GPR162: variants seen among roughly 807,000 people sequenced by gnomAD.
GPR162 encodes G protein-coupled receptor 162, also known as probable G protein-coupled receptor 162.
Under a neutral mutation model 44.9 loss-of-function variants are expected in GPR162, and 26 were observed. That is an observed-to-expected ratio of 0.58 (90% CI 0.42 to 0.80). GPR162 has a LOEUF of 0.80. Among genes scored for constraint, GPR162 ranks in the 30% least tolerant of loss-of-function variants. The pLI is 0.00. For missense variants in GPR162, 704 were observed against 802.3 expected (o/e 0.88, Z 1.48); for synonymous variants, 363 against 335.2 (o/e 1.08, Z -0.91).
Position 6,825,603 on chromosome 12 carries a change from C to T in GPR162, c.987C>T (p.Arg329=). ...LLPSFIWSCE[R]YRADVRTVWE... ...CCTCCTTCATCTGGTCCTGCGAGCG[C>T]TACCGCGCCGACGTGCGCACAGTGT... Residue 329 remains arginine (R), a synonymous_variant, in exon 3 of 5, where the codon CGC becomes CGT. Transcript: ENST00000311268. The T allele has an allele frequency of 2.5e-6, 4 of 1,598,174 alleles. No individual in the cohort carries two copies. The highest frequency in any genetic ancestry group is 1.1e-5 in the South Asian group (1 of 88,342).
intron 2 of GPR162, 114 bp downstream of exon 2, chr12:6,824,879 A>G (rs782129118): frequency 2.4e-6 from 2 of 826,912 alleles, no homozygotes; most frequent in Non-Finnish European, 2.0e-6. Flanking sequence ...CTCCAGTTCC[A>G]TCATCCATCT....
rs922266534 is a variant in GPR162, at chr12:6,823,915, C to A, written c.17C>A (p.Ala6Glu). The change falls in exon 2 of 5, where the codon GCG (alanine) becomes GAG (glutamate). Residue 6 changes from alanine (A) to glutamate (E), a missense_variant. Physicochemically the swap from Ala to Glu is moderately radical, Grantham distance 107 (BLOSUM62 -1). Transcript: ENST00000311268. ...GAGGATAGGATGGCTCGGGGCGGGGCGGGGGCAGAGGAGGCCTCCCTGCGC... is the reference window on the plus strand; with the variant it reads ...GAGGATAGGATGGCTCGGGGCGGGGAGGGGGCAGAGGAGGCCTCCCTGCGC... MARGGAGAEEASLRSN... is the reference protein window; with the variant it reads MARGGEGAEEASLRSN... 1.9e-6 allele frequency: 3 copies of A among 1,557,530 alleles called. No homozygotes were observed. The highest frequency in any genetic ancestry group is 2.6e-6 in the Non-Finnish European group (3 of 1,149,364).
chr12:6,827,026 C>T lies in GPR162; in HGVS notation c.1589C>T (p.Pro530Leu). ...SPGHSPRRPR[P>L]LGLSPRRLSL... ...GGGCACTCTCCTCGTCGGCCCCGGC[C>T]ACTGGGCCTCTCACCCCGCCGACTC... The change falls in exon 5 of 5, where the codon CCA becomes CTA. Residue 530 changes from proline (P) to leucine (L), a missense_variant. Physicochemically the swap from Pro to Leu is moderately conservative, Grantham distance 98. Around this residue, in one of 6 missense-constraint regions of GPR162, gnomAD observed 404 missense variants for 314.1 expected, o/e 1.29. Transcript: ENST00000311268. The T allele has an allele frequency of 6.2e-7, 1 of 1,613,408 alleles. No homozygotes were observed. Among genetic ancestry groups the T allele is most frequent in the Non-Finnish European group, 8.5e-7 (1 of 1,180,036 alleles).
chr12:6,823,648 A>G lies in GPR162; in HGVS notation c.-251A>G. 2.1e-6 allele frequency: 2 copies of G among 967,106 alleles called. No homozygotes were observed. Among genetic ancestry groups the G allele is most frequent in the Non-Finnish European group, 3.1e-6 (2 of 648,380 alleles). 59.9% of individuals were successfully genotyped at this position (967,106 alleles called of 1,614,324 possible). On this transcript the variant is annotated 5_prime_UTR_variant, in exon 2 of 5. Coordinates refer to ENST00000311268, the MANE Select transcript of GPR162 (RefSeq NM_019858.2). ...TGCCCCATCAATTGCAGGGATGCTT[A>G]AGGAAGGCCCCGCCCAGTATGAAAG...
chr12:6,827,177 C>T lies in GPR162; in HGVS notation c.1740C>T (p.Asn580=). The change falls in exon 5 of 5, where the codon AAC becomes AAT. Residue 580 remains asparagine, a synonymous_variant. Transcript: ENST00000311268. ...GGGGAGGATCCTGGGGCCCAGGCAA[C>T]CCCATCTTTCCCCAGCTGACCCTGT... ...RAWGGSWGPG[N]PIFPQLTL 6.2e-7 allele frequency: 1 copy of T among 1,610,396 alleles called. No homozygotes were observed. Among genetic ancestry groups the T allele is most frequent in the East Asian group, 2.2e-5 (1 of 44,836 alleles).
Position 6,822,538 on chromosome 12 carries a change from C to T in GPR162, c.-432+638C>T, listed in dbSNP as rs1223891522. On this transcript the variant is annotated intron_variant, in intron 1 of 4. Transcript: ENST00000311268. The surrounding 1 kb of genome is among the most constrained non-coding windows in gnomAD (Gnocchi z 4.2). The stretch of plus-strand genomic sequence containing the variant: ...TTCAGGGTTTCACCCGATTCCCTTA[C>T]CCCCCTTCCCAGGGCTCACTGAAGC... 1.3e-5 allele frequency among the ~76,000 whole-genome samples: 2 copies of T among 152,136 alleles called. No homozygotes were observed. The highest frequency in any genetic ancestry group is 2.9e-5 in the Non-Finnish European group (2 of 68,028).
chr12:6,826,392 G>A (rs369523616), intron 4 of GPR162, 39 bp downstream of exon 4: 24 of 1,559,416 alleles, frequency 1.5e-5, no homozygotes, highest in East Asian at 1.1e-4. Flanking sequence ...CCTTGGTGCC[G>A]CTCATCACTT....
At position 6,825,554 on chromosome 12, in the gene GPR162, C is replaced by T; in HGVS notation, c.938C>T (p.Ser313Phe). 6.2e-7 allele frequency: 1 copy of T among 1,611,312 alleles called. No homozygotes were observed. The highest frequency in any genetic ancestry group is 8.5e-7 in the Non-Finnish European group (1 of 1,178,846). Residue 313 changes from serine (S) to phenylalanine (F), a missense_variant, in exon 3 of 5, where the codon TCC (serine) becomes TTC (phenylalanine). Physicochemically the swap from Ser to Phe is radical, Grantham distance 155. This residue lies in a region of GPR162 where 92 missense variants were observed against 156.5 expected (regional missense o/e 0.59). Transcript: ENST00000311268. ...ATGGTGCTGGCTGTGCTGTGGTGCT[C>T]CATGGCACAGACGCTGCTGCTGCCC... is the stretch of plus-strand genomic sequence containing the variant. ...PWMVLAVLWC[S>F]MAQTLLLPSF...
At chr12:6,823,280 G>T (rs2137944054) in intron 1 of GPR162, among the ~76,000 whole-genome samples, 188 bp from the exon 2 acceptor site, 3 of 152,346 alleles carry the variant, frequency 2.0e-5, no homozygotes, top group Middle Eastern at 6.8e-3. Flanking sequence ...CTGGAAGAGT[G>T]CGGCTCTCAT....
chr12:6,827,022 C>G lies in GPR162; in HGVS notation c.1585C>G (p.Arg529Gly), dbSNP rs190553000. ...ASPGHSPRRP[R>G]PLGLSPRRLS... Reference sequence around the variant, plus strand: ...ACCAGGGCACTCTCCTCGTCGGCCCCGGCCACTGGGCCTCTCACCCCGCCG... The same window carrying G: ...ACCAGGGCACTCTCCTCGTCGGCCCGGGCCACTGGGCCTCTCACCCCGCCG... The change falls in exon 5 of 5, where the codon CGG becomes GGG. Residue 529 changes from arginine to glycine, a missense_variant. Arg to Gly is a moderately radical substitution (Grantham distance 125). Transcript: ENST00000311268. The G allele has an allele frequency of 6.2e-7, 1 of 1,613,372 alleles. No homozygotes were observed. The highest frequency in any genetic ancestry group is 2.2e-5 in the East Asian group (1 of 44,882).
In GPR162 at chr12:6,826,900, T is replaced by TG. The variant is rs1205725819; in HGVS notation, c.1467dup (p.Ser490ValfsTer22). The TG allele has an allele frequency of 6.2e-7, 1 of 1,613,318 alleles. No homozygotes were observed. The highest frequency in any genetic ancestry group is 8.5e-7 in the Non-Finnish European group (1 of 1,179,976). On this transcript the variant is annotated frameshift_variant, in exon 5 of 5. Transcript: ENST00000311268. LOFTEE classifies it high-confidence loss of function. ...CGCCAATTCTTGGAGAGTGGGGTTC[T>TG]GGGGTCAGGTGGGGGACCCCCACGG...
At chr12:6,826,596 C>CCTGCCT (rs1591575319) in intron 4 of GPR162, 57 bp from the exon 5 acceptor site, 19 of 1,449,502 alleles carry the variant, frequency 1.3e-5, no homozygotes, top group Non-Finnish European at 1.7e-5. Flanking sequence ...CCACTTGGTT[C>CCTGCCT]CTGCCTCTGC....
rs1555119855 is a variant in GPR162, at chr12:6,825,504, C to T, written c.888C>T (p.Leu296=). The T allele has an allele frequency of 1.9e-6, 3 of 1,610,258 alleles. No homozygotes were observed. Among genetic ancestry groups the T allele is most frequent in the South Asian group, 1.1e-5 (1 of 90,530 alleles). ...VPILVVSFFS[L]KSDSAPPWMV... is the part of the protein sequence containing the mutation. ...CCCAGGTGGTGAGCTTCTTCTCCCT[C>T]AAGTCGGACTCGGCGCCCCCCTGGA... Residue 296 remains leucine, a synonymous_variant, in exon 3 of 5, where the codon CTC becomes CTT. Coordinates refer to ENST00000311268, the MANE Select transcript of GPR162 (RefSeq NM_019858.2).
chr12:6,823,502 C>T lies in GPR162; in HGVS notation c.-397C>T, dbSNP rs1433095285. On this transcript the variant is annotated 5_prime_UTR_variant, in exon 2 of 5. Transcript: ENST00000311268. ...GGGGCTGAGCCCCACCCCCAAATCC[C>T]TGGGGCATCCAGAAGATTCCTGACT... 3.1e-5 allele frequency: 15 copies of T among 480,368 alleles called. 1 individual carries two copies. Among genetic ancestry groups the T allele is most frequent in the South Asian group, 2.7e-4 (7 of 26,302 alleles). 29.8% of individuals were successfully genotyped at this position (480,368 alleles called of 1,614,324 possible). A position where few individuals can be genotyped will look rare whatever the true frequency, so the allele number is the denominator to read the frequency against.
chr12:6,826,886 G>A lies in GPR162; in HGVS notation c.1449G>A (p.Leu483=). ...GGGLASLRQF[L]ESGVLGSGGG... The stretch of plus-strand genomic sequence containing the variant: ...GGCTGGCCAGCCTTCGCCAATTCTT[G>A]GAGAGTGGGGTTCTGGGGTCAGGTG... Residue 483 remains leucine (L), a synonymous_variant, in exon 5 of 5, where the codon TTG becomes TTA. Coordinates refer to ENST00000311268, the MANE Select transcript of GPR162 (RefSeq NM_019858.2). 6.2e-7 allele frequency: 1 copy of A among 1,613,524 alleles called. No individual in the cohort carries two copies. The highest frequency in any genetic ancestry group is 8.5e-7 in the Non-Finnish European group (1 of 1,179,912).
intron 2 of GPR162, chr12:6,825,223 G>A: frequency 1.8e-6 from 1 of 569,632 alleles, no homozygotes. Flanking sequence ...CTGGGTTCCT[G>A]TCTGTCTCTA....
At chr12:6,826,451 C>T (rs781832367) in intron 4 of GPR162, 98 bp downstream of exon 4, 31 of 1,252,986 alleles carry the variant, frequency 2.5e-5, no homozygotes, top group Non-Finnish European at 3.4e-5. Context: ...CTAGCCCTGG[C>T]TTTCAGGGCA....
Position 6,825,051 on chromosome 12 carries a change from GTCATCCATCCTGCAGC to G in GPR162, c.867+289_867+304del, listed in dbSNP as rs1943335622. ...GTTCCACGACCTGTCCTCCAGCTCCGTCATCCATCCTGCAGCTCCACGGTTCAGCCGCAGACCTCTC... is the reference window on the plus strand; with the variant it reads ...GTTCCACGACCTGTCCTCCAGCTCCGTCCACGGTTCAGCCGCAGACCTCTC... On this transcript the variant is annotated intron_variant, in intron 2 of 4. Transcript: ENST00000311268. 6.3e-6 allele frequency: 4 copies of G among 630,720 alleles called. 1 individual carries two copies. The East Asian group carries it at 1.2e-4, about 19-fold the overall frequency. The allele number at this position is 630,720 out of a possible 1,614,324, so 39.1% of individuals were successfully genotyped here. A position where few individuals can be genotyped will look rare whatever the true frequency, so the allele number is the denominator to read the frequency against.
At chr12:6,825,712 T>C (rs1943345443) in intron 3 of GPR162, 39 bp downstream of exon 3, 3 of 1,506,294 alleles carry the variant, frequency 2.0e-6, no homozygotes, top group South Asian at 2.4e-5. Context: ...CCTGGACATC[T>C]GTCTATTCCC....
Sources: allele counts gnomAD v4.1 joint callset (sites outside exome capture counted in the v4.1 genomes callset), GRCh38; gene constraint gnomAD v4.1.1; regional missense constraint gnomAD v4.1.1; non-coding constraint Gnocchi (gnomAD v3.1); transcripts MANE v1.5; gene names NCBI Gene and HGNC (gene_info 2026-07-23, HGNC 2026-07-21).